Variants in CNST observed in about 807,000 individuals in gnomAD.
CNST encodes the protein consortin, connexin sorting protein.
In CNST, 39 loss-of-function variants were observed where a neutral mutation model predicts 72.4. That is an observed-to-expected ratio of 0.54 (90% CI 0.42 to 0.70). The LOEUF (loss-of-function observed/expected upper bound fraction) is 0.70, where lower values mean the gene tolerates loss of function less well. Ranked by LOEUF, CNST falls within the 30% of genes least tolerant of loss-of-function variation. The pLI is 0.00. For missense variants in CNST, 871 were observed against 868.5 expected (o/e 1.00, Z -0.04); for synonymous variants, 332 against 320.1 (o/e 1.04, Z -0.40).
intron 2 of CNST, among the ~76,000 whole-genome samples, chr1:246,598,322 A>G (rs1412582988): frequency 6.6e-6 from 1 of 152,152 alleles, no homozygotes; most frequent in East Asian, 1.9e-4. Flanking sequence ...TGGGAGTACC[A>G]TTAAGCAAAA....
intron 3 of CNST, among the ~76,000 whole-genome samples, chr1:246,628,352 G>A (rs1461750395): frequency 1.3e-5 from 2 of 152,190 alleles, no homozygotes; most frequent in South Asian, 2.1e-4. Flanking sequence ...AGAGATGACT[G>A]TAGGACCATT....
chr1:246,601,737 T>C (rs1192682048), intron 2 of CNST, among the ~76,000 whole-genome samples: 7 of 152,234 alleles, frequency 4.6e-5, no homozygotes, highest in Non-Finnish European at 7.3e-5. Context: ...GAGGTTGCAG[T>C]GAGCCGAGAT....
intron 3 of CNST, among the ~76,000 whole-genome samples, chr1:246,626,794 C>G (rs1664467140): frequency 1.3e-5 from 2 of 152,032 alleles, no homozygotes; most frequent in African/African-American, 4.8e-5. Context: ...CTTAACTATC[C>G]AGCAACTCAA....
rs1667413455 is a variant in CNST at position 246,666,923 on chromosome 1, C to G, written c.*1018C>G. On this transcript the variant is annotated 3_prime_UTR_variant, in exon 11 of 11. Transcript: ENST00000366513. ...TAGAATTCAGTATTAACAGATCATG[C>G]ATTCAGATGCTTGAATGTGCATTCT... 6.6e-6 allele frequency: 1 copy of G among 152,174 alleles called. No individual in the cohort carries two copies. Among genetic ancestry groups the G allele is most frequent in the Non-Finnish European group, 1.5e-5 (1 of 68,036 alleles). The allele number at this position is 152,174 out of a possible 1,614,324, so 9.4% of individuals were successfully genotyped here. A position where few individuals can be genotyped will look rare whatever the true frequency, so the allele number is the denominator to read the frequency against.
At chr1:246,639,600 G>A (rs1247756996) in intron 6 of CNST, among the ~76,000 whole-genome samples, 1 of 152,178 alleles carries the variant, frequency 6.6e-6, no homozygotes, top group Non-Finnish European at 1.5e-5. Flanking sequence ...GGGCATGGCA[G>A]TCTTTTTGAG....
chr1:246,633,806 G>A, intron 4 of CNST, 118 bp from the exon 5 acceptor site: 4 of 589,920 alleles, frequency 6.8e-6, no homozygotes, highest in Admixed American at 3.0e-5. Flanking sequence ...AAAATATTTA[G>A]AGTCCTCTCA....
chr1:246,625,311 C>CA (rs1664340173), intron 3 of CNST, among the ~76,000 whole-genome samples: 2 of 151,798 alleles, frequency 1.3e-5, no homozygotes, highest in Non-Finnish European at 2.9e-5. Flanking sequence ...CTATCTGTAT[C>CA]AGTCTTTCTC....
chr1:246,662,992 A>T (rs1049734435), intron 10 of CNST, among the ~76,000 whole-genome samples: 2 of 152,210 alleles, frequency 1.3e-5, no homozygotes, highest in Non-Finnish European at 2.9e-5. Flanking sequence ...TATGATAATG[A>T]AGAAAAATAC....
intron 1 of CNST, among the ~76,000 whole-genome samples, chr1:246,581,542 C>T (rs547468983): frequency 2.0e-5 from 3 of 152,338 alleles, no homozygotes; most frequent in South Asian, 2.1e-4. Context: ...GGATTCCAGG[C>T]GTGAGCCATC....
chr1:246,630,566 C>T (rs1285818223), intron 3 of CNST, among the ~76,000 whole-genome samples: 1 of 152,174 alleles, frequency 6.6e-6, no homozygotes, highest in Non-Finnish European at 1.5e-5. Context: ...TAAAAGTATG[C>T]TGTTTCCCCT....
intron 8 of CNST, among the ~76,000 whole-genome samples, chr1:246,646,773 C>T (rs1366465048): frequency 6.6e-6 from 1 of 152,204 alleles, no homozygotes; most frequent in African/African-American, 2.4e-5. Flanking sequence ...AGCCACTGTG[C>T]CTGGCCCCAT....
rs546286467 is a variant in CNST, at chr1:246,652,792, C to T, written c.1836+4755C>T. ...GGCCAAGGCGGGCGGATCACGAGGT[C>T]AGGAGATCGAGACCATCCTGGCTAA... On this transcript the variant is annotated intron_variant, in intron 9 of 10. Coordinates refer to ENST00000366513, the MANE Select transcript of CNST (RefSeq NM_152609.3). 2.0e-4 allele frequency among the ~76,000 whole-genome samples: 31 copies of T among 151,340 alleles called. 1 individual carries two copies. The East Asian group carries it at 4.7e-3, about 23-fold the overall frequency.
chr1:246,586,982 T>C (rs1661239895), intron 1 of CNST, among the ~76,000 whole-genome samples: 1 of 152,220 alleles, frequency 6.6e-6, no homozygotes. Flanking sequence ...TGCCACATAA[T>C]AGCAGCGTGA....
intron 6 of CNST, among the ~76,000 whole-genome samples, chr1:246,641,396 C>G (rs1665680786): frequency 6.6e-6 from 1 of 152,210 alleles, no homozygotes; most frequent in African/African-American, 2.4e-5. Context: ...CAACCATAAT[C>G]TATTTTAGAC....
At chr1:246,638,863 T>C (rs1469750686) in intron 6 of CNST, among the ~76,000 whole-genome samples, 1 of 151,906 alleles carries the variant, frequency 6.6e-6, no homozygotes, top group Non-Finnish European at 1.5e-5. Flanking sequence ...CATGGCCAGG[T>C]TTAAATGGGA....
At chr1:246,593,384 G>T (rs1015267225) in intron 2 of CNST, among the ~76,000 whole-genome samples, 1 of 150,916 alleles carries the variant, frequency 6.6e-6, no homozygotes, top group Non-Finnish European at 1.5e-5. Context: ...GTGCAGTGGT[G>T]CAATCTCAGC....
intron 1 of CNST, among the ~76,000 whole-genome samples, chr1:246,584,790 A>G (rs543700595): frequency 1.3e-5 from 2 of 151,962 alleles, no homozygotes; most frequent in African/African-American, 2.4e-5. Context: ...TGCTCCCAAC[A>G]TACCACTCCC....
intron 10 of CNST, among the ~76,000 whole-genome samples, chr1:246,662,967 G>A (rs1346311758): frequency 2.0e-5 from 3 of 152,144 alleles, no homozygotes; most frequent in Non-Finnish European, 4.4e-5. Flanking sequence ...ATATTTAAAT[G>A]TTTGGATTTG....
rs200426268 is a variant in CNST at position 246,573,732 on chromosome 1, CAT to C, written c.-52+7072_-52+7073del. ...GGAACACTTATCTGGGCTGAGGAAA[CAT>C]ATTCTAAGAATATCTGTTTTGTAAC... On this transcript the variant is annotated intron_variant, in intron 1 of 10. Coordinates refer to ENST00000366513, the MANE Select transcript of CNST (RefSeq NM_152609.3). Among the ~76,000 whole-genome samples the C allele has an allele frequency of 4.0e-3, 603 of 152,326 alleles. 4 individuals are homozygous for C. Among genetic ancestry groups the C allele is most frequent in the African/African-American group, 0.014 (573 of 41,572 alleles).
Sources: gnomAD v4.1 joint callset for allele counts (sites outside exome capture counted in the v4.1 genomes callset) on GRCh38, gnomAD v4.1.1 for gene constraint, MANE v1.5 for transcripts, NCBI Gene and HGNC (gene_info 2026-07-23, HGNC 2026-07-21) for gene names.